The following GNAQ variants were observed in gnomAD, a reference collection of about 807,000 sequenced individuals.
The protein encoded by GNAQ is G protein subunit alpha q.
GNAQ carries 8 observed loss-of-function variants against 43.9 expected under a neutral mutation model. That is an observed-to-expected ratio of 0.18 (90% confidence interval 0.11 to 0.33). The LOEUF (loss-of-function observed/expected upper bound fraction) is 0.33, where lower values mean the gene tolerates loss of function less well. Ranked by LOEUF, GNAQ falls within the 10% of genes least tolerant of loss-of-function variation. GNAQ has a pLI of 1.00. For synonymous variants in GNAQ, 155 were observed against 170.7 expected (o/e 0.91, Z 0.71); for missense variants, 158 against 450.8 (o/e 0.35, Z 5.88).
intron 2 of GNAQ, among the ~76,000 whole-genome samples, chr9:77,833,103 A>C (rs1276665233): frequency 6.6e-6 from 1 of 152,028 alleles, no homozygotes; most frequent in African/African-American, 2.4e-5. Flanking sequence ...AGTAGTTGGG[A>C]CTACAGGCAT....
chr9:77,794,669 C>T, intron 4 of GNAQ, 77 bp from the exon 5 acceptor site: 1 of 752,624 alleles, frequency 1.3e-6, no homozygotes, highest in East Asian at 2.8e-5. Context: ...GCACTACTTA[C>T]AAACTTAGGG....
At chr9:77,918,739 T>C (rs1828952867) in intron 2 of GNAQ, among the ~76,000 whole-genome samples, 1 of 152,196 alleles carries the variant, frequency 6.6e-6, no homozygotes, top group South Asian at 2.1e-4. Flanking sequence ...CCCTCAGATC[T>C]GCCCTTCTCC....
chr9:77,924,920 C>T (rs1829047222), intron 1 of GNAQ, among the ~76,000 whole-genome samples: 1 of 151,886 alleles, frequency 6.6e-6, no homozygotes, highest in Admixed American at 6.6e-5. Flanking sequence ...ATTCTGTCTT[C>T]TGCTTGGGCT....
chr9:78,016,529 C>CA (rs1193619057), intron 1 of GNAQ, among the ~76,000 whole-genome samples: 1 of 152,086 alleles, frequency 6.6e-6, no homozygotes, highest in Admixed American at 6.5e-5. Context: ...ACTAAAAATA[C>CA]AAAAAATTAG....
chr9:77,802,554 A>G (rs1400872482), intron 3 of GNAQ, among the ~76,000 whole-genome samples: 1 of 149,240 alleles, frequency 6.7e-6, no homozygotes, highest in Non-Finnish European at 1.5e-5. Context: ...TCGACCTTTT[A>G]AAAAAAAAAC....
At chr9:77,867,170 C>T (rs1827962972) in intron 2 of GNAQ, among the ~76,000 whole-genome samples, 1 of 152,146 alleles carries the variant, frequency 6.6e-6, no homozygotes. Context: ...CCCCTGGCCC[C>T]CACTTCCCCC....
chr9:77,989,979 T>A (rs1006148535), intron 1 of GNAQ, among the ~76,000 whole-genome samples: 21 of 152,210 alleles, frequency 1.4e-4, no homozygotes, highest in African/African-American at 5.1e-4. Context: ...ATAAATGAAC[T>A]GACTGAAGTC....
intron 1 of GNAQ, among the ~76,000 whole-genome samples, chr9:77,943,287 A>C (rs1284008408): frequency 6.6e-6 from 1 of 152,216 alleles, no homozygotes; most frequent in Non-Finnish European, 1.5e-5. Context: ...CAAGCTACAA[A>C]CCACAAAAGA....
chr9:77,948,479 T>C (rs1488779217), intron 1 of GNAQ, among the ~76,000 whole-genome samples: 4 of 151,496 alleles, frequency 2.6e-5, no homozygotes, highest in Admixed American at 1.3e-4. Flanking sequence ...GACCTAGCGG[T>C]AGGGATGGAA....
chr9:77,918,280 C>A (rs1587408969), intron 2 of GNAQ, among the ~76,000 whole-genome samples: 1 of 152,278 alleles, frequency 6.6e-6, no homozygotes, highest in South Asian at 2.1e-4. Flanking sequence ...ATTTATGCTA[C>A]TATAGATTAT....
At chr9:77,868,156 T>C (rs1046391331) in intron 2 of GNAQ, among the ~76,000 whole-genome samples, 2 of 152,246 alleles carry the variant, frequency 1.3e-5, no homozygotes. Context: ...CATATGAATA[T>C]AGTATTCCTC....
chr9:78,003,107 A>C (rs1430807039), intron 1 of GNAQ, among the ~76,000 whole-genome samples: 1 of 152,236 alleles, frequency 6.6e-6, no homozygotes, highest in African/African-American at 2.4e-5. Context: ...TTAGCAACCA[A>C]GTTAAAAGAT....
chr9:77,853,839 C>T (rs1827711473), intron 2 of GNAQ, among the ~76,000 whole-genome samples: 1 of 143,834 alleles, frequency 7.0e-6, no homozygotes, highest in African/African-American at 2.6e-5. Context: ...AAAGCAATTA[C>T]CTTATATCCA....
At chr9:77,760,755 A>G (rs1825988777) in intron 5 of GNAQ, among the ~76,000 whole-genome samples, 3 of 149,552 alleles carry the variant, frequency 2.0e-5, no homozygotes, top group African/African-American at 7.4e-5. Context: ...CCCATCTAGG[A>G]AGTGAGGAGC....
At chr9:77,959,162 G>C (rs17725149) in intron 1 of GNAQ, among the ~76,000 whole-genome samples, 12,099 of 152,104 alleles carry the variant, frequency 0.08, 525 homozygotes, top group South Asian at 0.11. Flanking sequence ...GCATTAAAGA[G>C]AACCCATTTC....
intron 2 of GNAQ, among the ~76,000 whole-genome samples, chr9:77,818,994 C>A: frequency 2.7e-5 from 2 of 74,994 alleles, no homozygotes; most frequent in African/African-American, 1.1e-4. Context: ...AGAGAAATAC[C>A]ATCTCTCCAA....
chr9:78,016,596 T>C (rs1176308917), intron 1 of GNAQ, among the ~76,000 whole-genome samples: 1 of 151,286 alleles, frequency 6.6e-6, no homozygotes. Flanking sequence ...GCAGGAGAAC[T>C]GATTGAACCC....
intron 2 of GNAQ, among the ~76,000 whole-genome samples, chr9:77,908,641 A>C (rs916926981): frequency 6.6e-6 from 1 of 152,224 alleles, no homozygotes; most frequent in Non-Finnish European, 1.5e-5. Context: ...CCGACAAGGC[A>C]TAGCATGGAG....
intron 1 of GNAQ, among the ~76,000 whole-genome samples, chr9:78,003,661 A>G (rs1377746774): frequency 6.6e-6 from 1 of 152,042 alleles, no homozygotes; most frequent in East Asian, 1.9e-4. Flanking sequence ...CTAAAAATAC[A>G]AAAAATAAAC....
Sources: gnomAD v4.1 joint callset for allele counts (sites outside exome capture counted in the v4.1 genomes callset) on GRCh38, gnomAD v4.1.1 for gene constraint, MANE v1.5 for transcripts, NCBI Gene and HGNC (gene_info 2026-07-23, HGNC 2026-07-21) for gene names.